The following DIP2B variants were observed in gnomAD, a reference collection of about 807,000 sequenced individuals.
DIP2B encodes the protein disco-interacting protein 2 homolog B.
Under a neutral mutation model 198.0 loss-of-function variants are expected in DIP2B, and 76 were observed. The ratio of observed to expected loss-of-function variants is 0.38; its 90% CI spans 0.32 to 0.46. The LOEUF (loss-of-function observed/expected upper bound fraction) is 0.46, where lower values mean the gene tolerates loss of function less well. DIP2B is among the 20% of genes least tolerant of loss of function. DIP2B has a pLI of 0.99. For synonymous variants in DIP2B, 701 were observed against 739.1 expected, an observed-to-expected ratio of 0.95 and a Z score of 0.84; for missense variants, 1,559 against 1,978.4, an observed-to-expected ratio of 0.79 and a Z score of 4.02.
intron 1 of DIP2B, among the ~76,000 whole-genome samples, chr12:50,589,888 A>T (rs962642385): frequency 2.0e-5 from 3 of 152,220 alleles, no homozygotes; most frequent in African/African-American, 7.2e-5. Flanking sequence ...GGGATTAATT[A>T]TCTTCCAAGA....
intron 2 of DIP2B, among the ~76,000 whole-genome samples, chr12:50,635,056 A>G (rs1438766789): frequency 6.6e-6 from 1 of 152,218 alleles, no homozygotes; most frequent in Non-Finnish European, 1.5e-5. Flanking sequence ...ATGATATTCT[A>G]GCATTTCTTT....
rs555310225 is a variant in DIP2B at position 50,556,727 on chromosome 12, G to T, written c.100+51487G>T. Reference sequence around the variant, plus strand: ...CTGGCTAATTTTTTGTATTTTTTTTGAGACAGAGTTTTGCTCTTGTTGTCC... The same window carrying T: ...CTGGCTAATTTTTTGTATTTTTTTTTAGACAGAGTTTTGCTCTTGTTGTCC... On this transcript the variant is annotated intron_variant, in intron 1 of 37. Coordinates refer to ENST00000301180, the MANE Select transcript of DIP2B (RefSeq NM_173602.3). 5.9e-5 allele frequency among the ~76,000 whole-genome samples: 9 copies of T among 151,898 alleles called. 1 individual carries two copies. Among genetic ancestry groups the T allele is most frequent in the Admixed American group, 4.6e-4 (7 of 15,248 alleles).
intron 3 of DIP2B, among the ~76,000 whole-genome samples, chr12:50,656,314 A>C (rs1342432859): frequency 2.0e-5 from 3 of 152,184 alleles, no homozygotes; most frequent in Non-Finnish European, 2.9e-5. Flanking sequence ...CTTTTCCTTG[A>C]AGAAAGGTAT....
intron 7 of DIP2B, among the ~76,000 whole-genome samples, chr12:50,678,174 A>G (rs1938980865): frequency 6.6e-6 from 1 of 151,462 alleles, no homozygotes; most frequent in Non-Finnish European, 1.5e-5. Flanking sequence ...ACCCTGAGGT[A>G]TAACTGTTAC....
chr12:50,525,256 G>C (rs903168386), intron 1 of DIP2B, among the ~76,000 whole-genome samples: 7 of 151,820 alleles, frequency 4.6e-5, no homozygotes, highest in African/African-American at 1.7e-4. Flanking sequence ...TACTTGGAAG[G>C]CTGAGGCAGG....
At chr12:50,612,430 C>CT (rs34710255) in intron 1 of DIP2B, among the ~76,000 whole-genome samples, 31,766 of 136,750 alleles carry the variant, frequency 0.23, 4,089 homozygotes, top group East Asian at 0.38. Context: ...TTCATAATAA[C>CT]TTTTTTTTTT....
intron 1 of DIP2B, among the ~76,000 whole-genome samples, chr12:50,612,039 A>G (rs1407161243): frequency 6.6e-6 from 1 of 151,032 alleles, no homozygotes; most frequent in Non-Finnish European, 1.5e-5. Flanking sequence ...TATCTTGGCC[A>G]GGGGAGGTGG....
chr12:50,739,427 C>A lies in DIP2B; in HGVS notation c.4195C>A (p.His1399Asn). ...HLGEIWVNSP[H>N]TASGYYTIYD... is the part of the protein sequence containing the mutation. ...CTTGTAGATTTGGGTGAACAGTCCCCATACAGCCAGCGGCTACTACACCAT... is the reference window on the plus strand; with the variant it reads ...CTTGTAGATTTGGGTGAACAGTCCCAATACAGCCAGCGGCTACTACACCAT... The change falls in exon 36 of 38, where the codon CAT becomes AAT. Residue 1399 changes from histidine to asparagine, a missense_variant. By Grantham distance (68) the His-to-Asn change is moderately conservative. Transcript: ENST00000301180. 6.2e-7 allele frequency: 1 copy of A among 1,613,376 alleles called. No homozygotes were observed. Among genetic ancestry groups the A allele is most frequent in the Non-Finnish European group, 8.5e-7 (1 of 1,179,348 alleles).
intron 2 of DIP2B, among the ~76,000 whole-genome samples, chr12:50,629,769 C>T (rs1225011395): frequency 1.3e-5 from 2 of 152,096 alleles, no homozygotes; most frequent in African/African-American, 4.8e-5. Context: ...CCAACTACAA[C>T]ATCCAACCTG....
At chr12:50,531,595 G>C (rs554811915) in intron 1 of DIP2B, among the ~76,000 whole-genome samples, 1 of 152,312 alleles carries the variant, frequency 6.6e-6, no homozygotes, top group Admixed American at 6.5e-5. Flanking sequence ...AGCTGTTTTA[G>C]TAGGGTTTAG....
chr12:50,612,447 T>TG, intron 1 of DIP2B, among the ~76,000 whole-genome samples: 1 of 149,246 alleles, frequency 6.7e-6, no homozygotes, highest in Non-Finnish European at 1.5e-5. Flanking sequence ...TTTTTTTTTT[T>TG]GAGACAGTCT....
intron 3 of DIP2B, among the ~76,000 whole-genome samples, chr12:50,643,037 TGTGTGTGAGTGTGTGTGTGC>T (rs902062802): frequency 2.0e-5 from 3 of 151,802 alleles, no homozygotes; most frequent in Non-Finnish European, 2.9e-5. Flanking sequence ...TGTGTGTGTG[TGTGTGTGAGTGTGTGTGTGC>T]GTTTTGTTTT....
At chr12:50,681,768 A>G (rs2139536074) in intron 9 of DIP2B, among the ~76,000 whole-genome samples, 1 of 152,306 alleles carries the variant, frequency 6.6e-6, no homozygotes, top group East Asian at 1.9e-4. Context: ...CATTGTGACA[A>G]AGGGCACATA....
chr12:50,552,270 C>CT (rs36028157), intron 1 of DIP2B, among the ~76,000 whole-genome samples: 4,262 of 139,968 alleles, frequency 0.03, 75 homozygotes, highest in Non-Finnish European at 0.039. Context: ...TATAGGAGTT[C>CT]TTTTTTTTTT....
At chr12:50,683,050 G>C in intron 9 of DIP2B, 88 bp from the exon 10 acceptor site, 1 of 1,112,774 alleles carries the variant, frequency 9.0e-7, no homozygotes, top group Admixed American at 2.5e-5. Context: ...TTGTGTTCAT[G>C]ATAAATATTA....
chr12:50,660,138 G>C, intron 3 of DIP2B, 56 bp from the exon 4 acceptor site: 6 of 1,477,374 alleles, frequency 4.1e-6, no homozygotes, highest in Non-Finnish European at 3.6e-6. Flanking sequence ...TCAGCTCACA[G>C]TGGTAAACAC....
intron 3 of DIP2B, among the ~76,000 whole-genome samples, chr12:50,649,088 T>C (rs1363624569): frequency 1.3e-5 from 2 of 152,158 alleles, no homozygotes; most frequent in South Asian, 2.1e-4. Flanking sequence ...TTTAAAACCC[T>C]GAAAGACAAA....
intron 1 of DIP2B, among the ~76,000 whole-genome samples, chr12:50,623,937 C>T (rs1309404165): frequency 6.6e-6 from 1 of 152,104 alleles, no homozygotes; most frequent in Non-Finnish European, 1.5e-5. Flanking sequence ...TCCTGGGGGA[C>T]AAAACTCTCC....
At chr12:50,668,432 T>C (rs1565864733) in intron 4 of DIP2B, among the ~76,000 whole-genome samples, 8 of 152,192 alleles carry the variant, frequency 5.3e-5, no homozygotes. Flanking sequence ...CATGTTTTTT[T>C]CCACTACGCT....
Sources: gnomAD v4.1 joint callset for allele counts (sites outside exome capture counted in the v4.1 genomes callset) on GRCh38, gnomAD v4.1.1 for gene constraint, MANE v1.5 for transcripts, NCBI Gene and HGNC (gene_info 2026-07-23, HGNC 2026-07-21) for gene names.